The following CCDC69 variants were observed in gnomAD, a reference collection of about 807,000 sequenced individuals.
CCDC69 encodes the protein coiled-coil domain containing 69.
In CCDC69, 38 loss-of-function variants were observed where a neutral mutation model predicts 40.3. The ratio of observed to expected loss-of-function variants is 0.94; its 90% CI spans 0.73 to 1.24. CCDC69 has a LOEUF of 1.24. Among genes scored for constraint, CCDC69 ranks in the 50% most tolerant of loss-of-function variants. CCDC69 has a pLI of 0.00. For missense variants in CCDC69, 389 were observed against 357.9 expected (o/e 1.09, Z -0.70); for synonymous variants, 141 against 138.9 (o/e 1.02, Z -0.11).
chr5:151,218,032 C>G (rs990913009), intron 1 of CCDC69, among the ~76,000 whole-genome samples: 2 of 152,050 alleles, frequency 1.3e-5, no homozygotes, highest in Admixed American at 1.3e-4. Context: ...GGAAGTAGGT[C>G]AGACTGCATA....
intron 1 of CCDC69, among the ~76,000 whole-genome samples, chr5:151,218,567 T>C (rs1447020412): frequency 6.6e-6 from 1 of 152,210 alleles, no homozygotes; most frequent in African/African-American, 2.4e-5. Flanking sequence ...TTAGAGCTCC[T>C]TTTCCAGGCA....
chr5:151,221,779 C>A (rs1036066619), intron 1 of CCDC69, among the ~76,000 whole-genome samples: 1 of 152,266 alleles, frequency 6.6e-6, no homozygotes, highest in Non-Finnish European at 1.5e-5. Context: ...GAACCTAACC[C>A]CTCTGTAGCC....
rs1752463435 is a variant in CCDC69 at position 151,184,869 on chromosome 5, C to T, written c.616-428G>A. On this transcript the variant is annotated intron_variant, in intron 7 of 8. Coordinates refer to ENST00000355417, the MANE Select transcript of CCDC69 (RefSeq NM_015621.3). ...GTGATTCCATGTCACGTGACTCAAG[C>T]CCCCAGGGCTCCCTGGGCACACACC... 6.2e-5 allele frequency: 10 copies of T among 161,358 alleles called. No individual in the cohort carries two copies. The South Asian group carries it at 1.7e-3, about 28-fold the overall frequency. 10.0% of individuals were successfully genotyped at this position (161,358 alleles called of 1,614,324 possible). A position where few individuals can be genotyped will look rare whatever the true frequency, so the allele number is the denominator to read the frequency against.
chr5:151,206,564 A>C (rs1172762126), intron 1 of CCDC69, among the ~76,000 whole-genome samples: 1 of 152,218 alleles, frequency 6.6e-6, no homozygotes, highest in Non-Finnish European at 1.5e-5. Flanking sequence ...ATTTTTAAAA[A>C]ATTTAATTAA....
intron 4 of CCDC69, among the ~76,000 whole-genome samples, chr5:151,195,137 G>C (rs1160317268): frequency 6.6e-6 from 1 of 152,026 alleles, no homozygotes; most frequent in Non-Finnish European, 1.5e-5. Context: ...GACTTATGTA[G>C]CACTTAGTAT....
At chr5:151,215,764 G>T in intron 1 of CCDC69, 2 of 263,846 alleles carry the variant, frequency 7.6e-6, no homozygotes, top group Non-Finnish European at 1.7e-5. Context: ...GTAGCACTGT[G>T]AACAGAAATA....
chr5:151,199,925 G>T (rs1296933290), intron 3 of CCDC69, among the ~76,000 whole-genome samples: 5 of 152,190 alleles, frequency 3.3e-5, no homozygotes, highest in Non-Finnish European at 7.4e-5. Flanking sequence ...TTTAATGTGT[G>T]TGGGGGCACT....
rs114083237 is a variant in CCDC69, at chr5:151,197,149, C to A, written c.319+1848G>T. Among the ~76,000 whole-genome samples the A allele has an allele frequency of 3.4e-3, 521 of 152,294 alleles. 3 individuals carry two copies. Among genetic ancestry groups the A allele is most frequent in the Middle Eastern group, 0.031 (9 of 294 alleles). On this transcript the variant is annotated intron_variant, in intron 4 of 8. Coordinates refer to ENST00000355417, the MANE Select transcript of CCDC69 (RefSeq NM_015621.3). ...GGGTGATCATGTGGGTTATACAATC[C>A]CGTTTATATGCGTGTCCAGAATGGA... is the stretch of plus-strand genomic sequence containing the variant.
chr5:151,189,886 A>T (rs1168418704), intron 4 of CCDC69, among the ~76,000 whole-genome samples: 2 of 152,174 alleles, frequency 1.3e-5, no homozygotes, highest in African/African-American at 2.4e-5. Flanking sequence ...CCATTTTAGG[A>T]TGTGTTTTCT....
chr5:151,191,996 G>T (rs551288555), intron 4 of CCDC69, among the ~76,000 whole-genome samples: 1 of 141,850 alleles, frequency 7.0e-6, no homozygotes, highest in Admixed American at 7.6e-5. Flanking sequence ...GAGGTGGGAA[G>T]ATTGCTTGAT....
At chr5:151,214,648 T>G (rs1333028239) in intron 1 of CCDC69, among the ~76,000 whole-genome samples, 2 of 152,086 alleles carry the variant, frequency 1.3e-5, no homozygotes, top group African/African-American at 4.8e-5. Context: ...ACAACCAACT[T>G]AAAGTTAGAA....
intron 4 of CCDC69, among the ~76,000 whole-genome samples, chr5:151,193,660 CATTGAAGAAA>C (rs975642445): frequency 6.6e-6 from 1 of 152,036 alleles, no homozygotes; most frequent in African/African-American, 2.4e-5. Flanking sequence ...TGGAAGAAAA[CATTGAAGAAA>C]ATCTTTGTTA....
intron 3 of CCDC69, among the ~76,000 whole-genome samples, chr5:151,199,878 G>C (rs888569077): frequency 6.6e-6 from 1 of 152,152 alleles, no homozygotes; most frequent in African/African-American, 2.4e-5. Context: ...TTTCATAAAA[G>C]GTGTGTTTCT....
Position 151,183,429 on chromosome 5 carries a change from C to T in CCDC69, c.*8G>A. On this transcript the variant is annotated 3_prime_UTR_variant, in exon 9 of 9. Transcript: ENST00000355417. ...TTCAGGCGTCGTGGTGGGCCCAGGC[C>T]CTGCACCCTATGTGGCGAGGAAAGA... 1 of 1,597,640 alleles carries T rather than the reference C, an allele frequency of 6.3e-7. No homozygotes were observed. The highest frequency in any genetic ancestry group is 8.5e-7 in the Non-Finnish European group (1 of 1,173,678).
At chr5:151,218,611 C>T (rs1299950147) in intron 1 of CCDC69, among the ~76,000 whole-genome samples, 1 of 152,248 alleles carries the variant, frequency 6.6e-6, no homozygotes, top group African/African-American at 2.4e-5. Context: ...CTGATCTATG[C>T]ACCCTGAGAT....
chr5:151,187,486 C>T (rs1554088955), intron 4 of CCDC69, 27 bp from the exon 5 acceptor site: 1 of 1,591,912 alleles, frequency 6.3e-7, no homozygotes, highest in Non-Finnish European at 8.6e-7. Context: ...ACTCCATAAG[C>T]TCAAGACACT....
chr5:151,218,345 C>G (rs3097797), intron 1 of CCDC69, among the ~76,000 whole-genome samples: 59,786 of 151,934 alleles, frequency 0.39, 13,120 homozygotes, highest in East Asian at 0.87. Context: ...CTGGCCCTCT[C>G]CCCTGGTCAC....
chr5:151,200,062 G>A (rs1000051295), intron 3 of CCDC69, among the ~76,000 whole-genome samples: 6 of 152,112 alleles, frequency 3.9e-5, no homozygotes, highest in Admixed American at 1.3e-4. Flanking sequence ...AGTCGACTGG[G>A]TGAATAAAAT....
chr5:151,216,452 AC>A (rs1213321530), intron 1 of CCDC69, among the ~76,000 whole-genome samples: 1 of 123,464 alleles, frequency 8.1e-6, no homozygotes. Flanking sequence ...TTGCTCTGTC[AC>A]CTAGAGCGAG....
Sources: gnomAD v4.1 joint callset for allele counts (sites outside exome capture counted in the v4.1 genomes callset) on GRCh38, gnomAD v4.1.1 for gene constraint, MANE v1.5 for transcripts, NCBI Gene and HGNC (gene_info 2026-07-23, HGNC 2026-07-21) for gene names.